Variants in CDS1 observed in about 807,000 individuals in gnomAD.
CDS1 encodes CDP-diacylglycerol synthase 1.
In CDS1, 41 loss-of-function variants were observed where a neutral mutation model predicts 62.1. That is an observed-to-expected ratio of 0.66 (90% CI 0.51 to 0.86). The LOEUF (loss-of-function observed/expected upper bound fraction) is 0.86, where lower values mean the gene tolerates loss of function less well. CDS1 is among the 40% of genes least tolerant of loss of function. CDS1 has a pLI of 0.00. For missense variants in CDS1, 470 were observed against 550.1 expected (o/e 0.85, Z 1.46); for synonymous variants, 185 against 192.6 (o/e 0.96, Z 0.32).
At chr4:84,609,303 G>A (rs1179146219) in intron 2 of CDS1, 126 bp from the exon 3 acceptor site, 2 of 555,594 alleles carry the variant, frequency 3.6e-6, no homozygotes, top group South Asian at 3.0e-5. Context: ...TTTGTTGTTT[G>A]TTATATAAAG....
intron 8 of CDS1, among the ~76,000 whole-genome samples, chr4:84,637,144 G>A (rs555643069): frequency 1.3e-5 from 2 of 152,218 alleles, no homozygotes; most frequent in South Asian, 4.2e-4. Context: ...AGAGAGTGTT[G>A]GGCTGAGCTG....
At chr4:84,624,655 T>G (rs771867597) in intron 5 of CDS1, among the ~76,000 whole-genome samples, 5 of 152,148 alleles carry the variant, frequency 3.3e-5, no homozygotes, top group Non-Finnish European at 5.9e-5. Flanking sequence ...GCATATAAGG[T>G]GATTACTGTT....
chr4:84,640,914 C>T lies in CDS1; in HGVS notation c.956C>T (p.Thr319Ile), dbSNP rs1046246931. The change falls in exon 10 of 13, where the codon ACA becomes ATA. Residue 319 changes from threonine (T) to isoleucine (I), a missense_variant. Coordinates refer to ENST00000295887, the MANE Select transcript of CDS1 (RefSeq NM_001263.4). ...EYRSDVNSFV[T>I]ECEPSELFQL... ...CGAAGTGATGTAAACTCCTTCGTGA[C>T]AGAATGTGAGCCCTCAGAACTTTTC... 5 of 1,611,884 alleles carry T rather than the reference C, an allele frequency of 3.1e-6. No homozygotes were observed. In the African/African-American group the frequency reaches 6.7e-5, roughly 22 times the overall value.
chr4:84,599,425 T>C (rs1474114175), intron 1 of CDS1, among the ~76,000 whole-genome samples: 60 of 20,858 alleles, frequency 2.9e-3, no homozygotes, highest in African/African-American at 7.4e-3. Context: ...TATATATATA[T>C]ATATATATAT....
intron 1 of CDS1, among the ~76,000 whole-genome samples, chr4:84,590,676 T>C (rs1578014530): frequency 1.3e-5 from 2 of 152,320 alleles, no homozygotes; most frequent in South Asian, 4.1e-4. Context: ...GTACACTGCC[T>C]GGGACATACT....
At chr4:84,585,921 A>AT (rs1722403512) in intron 1 of CDS1, among the ~76,000 whole-genome samples, 2 of 152,316 alleles carry the variant, frequency 1.3e-5, no homozygotes, top group Admixed American at 1.3e-4. Context: ...CATTGTTAGC[A>AT]TAGAGGGCAT....
At position 84,620,584 on chromosome 4, in the gene CDS1, G is replaced by A. The variant is rs147559727; in HGVS notation, c.580+1051G>A. ...CTGTTTATAGTATGCTATGCCACATGTTTTTGTAATTTTTAAATTAAAAAT... is the reference window on the plus strand; with the variant it reads ...CTGTTTATAGTATGCTATGCCACATATTTTTGTAATTTTTAAATTAAAAAT... On this transcript the variant is annotated intron_variant, in intron 5 of 12. Coordinates refer to ENST00000295887, the MANE Select transcript of CDS1 (RefSeq NM_001263.4). Among the ~76,000 whole-genome samples, 12 of 151,986 alleles carry A rather than the reference G, an allele frequency of 7.9e-5. No homozygotes were observed. In the East Asian group the frequency reaches 2.3e-3, roughly 29 times the overall value.
intron 2 of CDS1, among the ~76,000 whole-genome samples, chr4:84,608,011 T>C (rs1455872551): frequency 6.6e-6 from 1 of 152,024 alleles, no homozygotes; most frequent in Non-Finnish European, 1.5e-5. Context: ...TATGGCACAA[T>C]GGGGATGAAG....
At chr4:84,587,055 G>C (rs1722442994) in intron 1 of CDS1, among the ~76,000 whole-genome samples, 1 of 152,144 alleles carries the variant, frequency 6.6e-6, no homozygotes, top group African/African-American at 2.4e-5. Flanking sequence ...CTTAAGAAAA[G>C]AAAGACGGAA....
At position 84,645,345 on chromosome 4, in the gene CDS1, A is replaced by G; in HGVS notation, c.1256+20A>G. 1 of 1,374,894 alleles carries G rather than the reference A, an allele frequency of 7.3e-7. No individual in the cohort carries two copies. The highest frequency in any genetic ancestry group is 1.0e-6 in the Non-Finnish European group (1 of 967,664). The allele number at this position is 1,374,894 out of a possible 1,614,324, so 85.2% of individuals were successfully genotyped here. Reference sequence around the variant, plus strand: ...TATAAGGTACTTTTACACTTGAGACATTTTTTAGATGATTTCTTTGAGTTC... The same window carrying G: ...TATAAGGTACTTTTACACTTGAGACGTTTTTTAGATGATTTCTTTGAGTTC... On this transcript the variant is annotated intron_variant, in intron 12 of 12. Coordinates refer to ENST00000295887, the MANE Select transcript of CDS1 (RefSeq NM_001263.4).
intron 2 of CDS1, among the ~76,000 whole-genome samples, 188 bp from the exon 3 acceptor site, chr4:84,609,241 T>C (rs2110052030): frequency 6.6e-6 from 1 of 152,234 alleles, no homozygotes; most frequent in East Asian, 1.9e-4. Flanking sequence ...AACATAACTT[T>C]AAAAGTTAAT....
chr4:84,614,307 CA>C (rs1177778866), intron 3 of CDS1, among the ~76,000 whole-genome samples: 1 of 152,090 alleles, frequency 6.6e-6, no homozygotes. Context: ...TCTTTATAAT[CA>C]TTAGCTTTAC....
chr4:84,612,857 C>T (rs889550222), intron 3 of CDS1, among the ~76,000 whole-genome samples: 10 of 151,562 alleles, frequency 6.6e-5, no homozygotes, highest in African/African-American at 1.9e-4. Flanking sequence ...GTGGTAGAGG[C>T]GTGTGCCTGT....
At chr4:84,593,232 T>C (rs191026937) in intron 1 of CDS1, among the ~76,000 whole-genome samples, 34 of 152,248 alleles carry the variant, frequency 2.2e-4, no homozygotes, top group African/African-American at 7.9e-4. Context: ...TGTATACTGC[T>C]TTTAATAAAT....
At position 84,631,888 on chromosome 4, in the gene CDS1, A is replaced by G. The variant is rs1382451323; in HGVS notation, c.639+11A>G. The G allele has an allele frequency of 6.3e-7, 1 of 1,579,714 alleles. No homozygotes were observed. The highest frequency in any genetic ancestry group is 1.3e-5 in the African/African-American group (1 of 74,282). The stretch of plus-strand genomic sequence containing the variant: ...CTGCAGTTTTATATGGTGTGTATTA[A>G]CTATTATTCCTTAGTCATTATCTGT... On this transcript the variant is annotated intron_variant, in intron 6 of 12. Coordinates refer to ENST00000295887, the MANE Select transcript of CDS1 (RefSeq NM_001263.4).
intron 1 of CDS1, among the ~76,000 whole-genome samples, chr4:84,593,427 G>T (rs1408212452): frequency 6.6e-6 from 1 of 152,148 alleles, no homozygotes; most frequent in Non-Finnish European, 1.5e-5. Context: ...CTCAAAGCTT[G>T]AGGATGGCCA....
chr4:84,586,120 A>G (rs1019953024), intron 1 of CDS1, among the ~76,000 whole-genome samples: 1 of 152,118 alleles, frequency 6.6e-6, no homozygotes, highest in African/African-American at 2.4e-5. Context: ...AGAGGAAGAG[A>G]TAATGAAGGT....
chr4:84,633,021 G>A (rs1724070994), intron 6 of CDS1, among the ~76,000 whole-genome samples: 1 of 152,206 alleles, frequency 6.6e-6, no homozygotes, highest in South Asian at 2.1e-4. Flanking sequence ...CTACTGGGGA[G>A]GCTGAGGCAG....
intron 1 of CDS1, among the ~76,000 whole-genome samples, chr4:84,603,004 G>A (rs1448902820): frequency 6.6e-6 from 1 of 152,136 alleles, no homozygotes; most frequent in Non-Finnish European, 1.5e-5. Context: ...TACTCCCGAA[G>A]ACTAACATTA....
Sources: gnomAD v4.1 joint callset for allele counts (sites outside exome capture counted in the v4.1 genomes callset) on GRCh38, gnomAD v4.1.1 for gene constraint, MANE v1.5 for transcripts, NCBI Gene and HGNC (gene_info 2026-07-23, HGNC 2026-07-21) for gene names.